Variants in ST3GAL2 observed in about 807,000 individuals in gnomAD.
ST3GAL2 encodes the protein CMP-N-acetylneuraminate-beta-galactosamide-alpha-2,3-sialyltransferase 2.
A neutral mutation model predicts 37.5 loss-of-function variants in ST3GAL2; 16 were observed. The ratio of observed to expected loss-of-function variants is 0.43; its 90% CI spans 0.29 to 0.65. ST3GAL2 has a LOEUF of 0.65. Ranked by LOEUF, ST3GAL2 falls within the 30% of genes least tolerant of loss-of-function variation. ST3GAL2 has a pLI of 0.17. For synonymous variants in ST3GAL2, 238 were observed against 202.9 expected (o/e 1.17, Z -1.47); for missense variants, 383 against 487.8 (o/e 0.79, Z 2.02).
chr16:70,431,304 C>T (rs1438881082), intron 1 of ST3GAL2, among the ~76,000 whole-genome samples: 1 of 152,230 alleles, frequency 6.6e-6, no homozygotes, highest in Non-Finnish European at 1.5e-5. Flanking sequence ...CCAATTTTCT[C>T]CCTCCAAAGG....
intron 1 of ST3GAL2, among the ~76,000 whole-genome samples, chr16:70,407,654 CAGT>C (rs1395506409): frequency 6.6e-6 from 1 of 152,148 alleles, no homozygotes; most frequent in Non-Finnish European, 1.5e-5. Context: ...TTCCACCTCC[CAGT>C]ACAAGGAACC....
intron 2 of ST3GAL2, among the ~76,000 whole-genome samples, 181 bp from the exon 3 acceptor site, chr16:70,395,356 A>G (rs1411211874): frequency 2.0e-5 from 3 of 152,212 alleles, no homozygotes; most frequent in Admixed American, 2.0e-4. Context: ...TCCCTCTCTC[A>G]ACAACAGCAA....
intron 2 of ST3GAL2, among the ~76,000 whole-genome samples, chr16:70,395,625 C>T (rs1299476106): frequency 6.6e-6 from 1 of 152,200 alleles, no homozygotes; most frequent in African/African-American, 2.4e-5. Context: ...CAGCCACTCC[C>T]TGAGCCCCAG....
chr16:70,408,689 A>G (rs534354119), intron 1 of ST3GAL2, among the ~76,000 whole-genome samples: 2 of 151,778 alleles, frequency 1.3e-5, no homozygotes, highest in East Asian at 3.9e-4. Flanking sequence ...TCCATCTGAA[A>G]TCTCAGCTCT....
intron 1 of ST3GAL2, among the ~76,000 whole-genome samples, chr16:70,403,187 G>T (rs2047567524): frequency 1.3e-5 from 2 of 152,094 alleles, no homozygotes; most frequent in Admixed American, 1.3e-4. Context: ...GGCTTAACTA[G>T]TAGGGTAGTT....
chr16:70,417,820 GC>G (rs1451088113), intron 1 of ST3GAL2, among the ~76,000 whole-genome samples: 1 of 151,852 alleles, frequency 6.6e-6, no homozygotes, highest in Non-Finnish European at 1.5e-5. Flanking sequence ...GGCTGGGGGG[GC>G]GGGGGGAATG....
intron 3 of ST3GAL2, among the ~76,000 whole-genome samples, chr16:70,393,149 G>T (rs1337164865): frequency 2.7e-5 from 4 of 150,502 alleles, no homozygotes; most frequent in Non-Finnish European, 4.4e-5. Context: ...GCAATGGCAT[G>T]ATCTTGGCTC....
In ST3GAL2 at chr16:70,399,308, G is replaced by A. The variant is rs529768693; in HGVS notation, c.-778C>T. ...TACTGTGGCTGTGGGGTCCTCTGGC[G>A]CTGGGAACAGCTGCTGTTCAGCGGG... On this transcript the variant is annotated 5_prime_UTR_variant, in exon 2 of 7. Coordinates refer to ENST00000342907, the MANE Select transcript of ST3GAL2 (RefSeq NM_006927.4). 82 of 398,784 alleles carry A rather than the reference G, an allele frequency of 2.1e-4. No individual in the cohort carries two copies. Among genetic ancestry groups the A allele is most frequent in the Non-Finnish European group, 3.1e-4 (70 of 226,240 alleles). 24.7% of individuals were successfully genotyped at this position (398,784 alleles called of 1,614,324 possible). A position where few individuals can be genotyped will look rare whatever the true frequency, so the allele number is the denominator to read the frequency against.
intron 1 of ST3GAL2, among the ~76,000 whole-genome samples, chr16:70,409,865 C>A (rs940100631): frequency 6.9e-6 from 1 of 145,726 alleles, no homozygotes; most frequent in African/African-American, 2.6e-5. Flanking sequence ...CCAGGCTGGA[C>A]TTGAACTCTC....
intron 1 of ST3GAL2, among the ~76,000 whole-genome samples, chr16:70,415,939 C>G (rs535383001): frequency 6.6e-6 from 1 of 150,854 alleles, no homozygotes; most frequent in African/African-American, 2.4e-5. Flanking sequence ...CCACGCCCAG[C>G]TAATTTTTGT....
At chr16:70,422,665 T>C (rs2047723242) in intron 1 of ST3GAL2, among the ~76,000 whole-genome samples, 1 of 151,960 alleles carries the variant, frequency 6.6e-6, no homozygotes, top group Non-Finnish European at 1.5e-5. Flanking sequence ...AATACACACA[T>C]AACGCCACAC....
chr16:70,423,760 T>A (rs1007702127), intron 1 of ST3GAL2, among the ~76,000 whole-genome samples: 7 of 142,544 alleles, frequency 4.9e-5, no homozygotes, highest in Admixed American at 2.9e-4. Context: ...CACCACAACC[T>A]CCACCTCCTG....
rs1205131225 is a variant in ST3GAL2, at chr16:70,380,101, G to A, written c.*1588C>T. On this transcript the variant is annotated 3_prime_UTR_variant, in exon 7 of 7. Transcript: ENST00000342907. ...CTGAGGCCTAGCTCTCTAAAACGGT[G>A]GGGGAGGGGGGAGCGCCCTGAGAGA... is the stretch of plus-strand genomic sequence containing the variant. 6.6e-6 allele frequency: 1 copy of A among 152,314 alleles called. No individual in the cohort carries two copies. The highest frequency in any genetic ancestry group is 6.5e-5 in the Admixed American group (1 of 15,278). The allele number at this position is 152,314 out of a possible 1,614,324, so 9.4% of individuals were successfully genotyped here. A position where few individuals can be genotyped will look rare whatever the true frequency, so the allele number is the denominator to read the frequency against.
In ST3GAL2 at chr16:70,383,238, G is replaced by GT; in HGVS notation, c.714-4dup. On this transcript the variant is annotated splice_region_variant and splice_polypyrimidine_tract_variant and intron_variant, in intron 4 of 6. Coordinates refer to ENST00000342907, the MANE Select transcript of ST3GAL2 (RefSeq NM_006927.4). Reference sequence around the variant, plus strand: ...AGGACTTCACTGGGGCGTAGGTGCTGTAAGCAAAAAGAAAGAAAGATAACA... The same window carrying GT: ...AGGACTTCACTGGGGCGTAGGTGCTGTTAAGCAAAAAGAAAGAAAGATAACA... The GT allele has an allele frequency of 6.2e-7, 1 of 1,601,996 alleles. No individual in the cohort carries two copies. The highest frequency in any genetic ancestry group is 8.5e-7 in the Non-Finnish European group (1 of 1,177,048).
At chr16:70,412,769 G>A (rs2047647750) in intron 1 of ST3GAL2, among the ~76,000 whole-genome samples, 1 of 151,970 alleles carries the variant, frequency 6.6e-6, no homozygotes, top group African/African-American at 2.4e-5. Context: ...TTTCTAGGCT[G>A]GGCATGGTGG....
At chr16:70,421,688 C>T (rs556151052) in intron 1 of ST3GAL2, among the ~76,000 whole-genome samples, 99 of 152,268 alleles carry the variant, frequency 6.5e-4, no homozygotes, top group African/African-American at 2.3e-3. Context: ...TTTCAAGCCC[C>T]ACCCCTCCTT....
chr16:70,415,824 G>A (rs937949353), intron 1 of ST3GAL2, among the ~76,000 whole-genome samples: 15 of 135,302 alleles, frequency 1.1e-4, no homozygotes, highest in Non-Finnish European at 1.5e-4. Flanking sequence ...CTGGAGTGCA[G>A]TGGCACAATC....
chr16:70,382,416 A>AAGATTAC (rs1174944904), intron 6 of ST3GAL2, among the ~76,000 whole-genome samples: 1 of 151,786 alleles, frequency 6.6e-6, no homozygotes, highest in Non-Finnish European at 1.5e-5. Context: ...CCGAGTAGCT[A>AAGATTAC]AGATTACAGG....
chr16:70,392,931 C>T (rs1211813308), intron 3 of ST3GAL2, among the ~76,000 whole-genome samples: 1 of 152,014 alleles, frequency 6.6e-6, no homozygotes, highest in Non-Finnish European at 1.5e-5. Context: ...ACTACAGGCT[C>T]ACACCAACAA....
Sources: gnomAD v4.1 joint callset for allele counts (sites outside exome capture counted in the v4.1 genomes callset) on GRCh38, gnomAD v4.1.1 for gene constraint, MANE v1.5 for transcripts, NCBI Gene and HGNC (gene_info 2026-07-23, HGNC 2026-07-21) for gene names.